The following ATF2 variants were observed in gnomAD, a reference collection of about 807,000 sequenced individuals.
The protein encoded by ATF2 is activating transcription factor 2, also known as cyclic AMP-dependent transcription factor ATF-2.
In ATF2, 24 loss-of-function variants were observed where a neutral mutation model predicts 60.6. That is an observed-to-expected ratio of 0.40 (90% CI 0.29 to 0.56). ATF2 has a LOEUF of 0.56. ATF2 is among the 20% of genes least tolerant of loss of function. The pLI is 0.54. For missense variants in ATF2, 433 were observed against 607.7 expected (o/e 0.71, Z 3.02); for synonymous variants, 206 against 215.4 (o/e 0.96, Z 0.38).
chr2:175,134,059 C>T (rs528209562), intron 3 of ATF2, among the ~76,000 whole-genome samples: 12 of 152,092 alleles, frequency 7.9e-5, no homozygotes, highest in Non-Finnish European at 1.6e-4. Flanking sequence ...AGTCAGCCCT[C>T]TGTATCTATG....
chr2:175,120,523 G>A (rs1468829980), intron 5 of ATF2, among the ~76,000 whole-genome samples: 1 of 151,512 alleles, frequency 6.6e-6, no homozygotes, highest in Non-Finnish European at 1.5e-5. Flanking sequence ...CCAAAACACT[G>A]CATAGAACAA....
chr2:175,135,055 G>A (rs1698046440), intron 3 of ATF2, among the ~76,000 whole-genome samples: 2 of 132,564 alleles, frequency 1.5e-5, no homozygotes, highest in South Asian at 2.6e-4. Flanking sequence ...TAACACTTTC[G>A]AAACCCCACC....
chr2:175,138,597 T>G (rs139270130), intron 2 of ATF2, among the ~76,000 whole-genome samples: 1 of 152,326 alleles, frequency 6.6e-6, no homozygotes, highest in African/African-American at 2.4e-5. Flanking sequence ...TCAGACTGCC[T>G]GCCATCCTCT....
chr2:175,136,157 T>C (rs1361233260), intron 3 of ATF2, among the ~76,000 whole-genome samples: 1 of 152,076 alleles, frequency 6.6e-6, no homozygotes, highest in Non-Finnish European at 1.5e-5. Flanking sequence ...CCCATGGGAC[T>C]GATAGAACTC....
At chr2:175,116,522 G>C (rs1696580867) in intron 7 of ATF2, among the ~76,000 whole-genome samples, 1 of 151,958 alleles carries the variant, frequency 6.6e-6, no homozygotes, top group South Asian at 2.1e-4. Context: ...ATATAAATCT[G>C]GCAATCTGGT....
intron 11 of ATF2, among the ~76,000 whole-genome samples, chr2:175,094,282 TA>T (rs1434801326): frequency 4.6e-5 from 7 of 151,108 alleles, no homozygotes; most frequent in Non-Finnish European, 8.8e-5. Flanking sequence ...TAATCCTAGA[TA>T]ATTGGGAGGC....
At chr2:175,136,584 C>T (rs924843178) in intron 2 of ATF2, 98 bp from the exon 3 acceptor site, 20 of 749,728 alleles carry the variant, frequency 2.7e-5, no homozygotes, top group East Asian at 7.7e-5. Flanking sequence ...TGTAACACTA[C>T]TGTCACCCCA....
intron 2 of ATF2, among the ~76,000 whole-genome samples, chr2:175,148,140 T>C (rs1402690673): frequency 6.6e-6 from 1 of 151,986 alleles, no homozygotes; most frequent in Non-Finnish European, 1.5e-5. Context: ...TGAGAAATCA[T>C]GAAGGAAAAT....
In ATF2 at chr2:175,080,722, T is replaced by C; in HGVS notation, c.1229A>G (p.Gln410Arg). ...GCAATCTTTATGAGCCAGAAGAAGC[T>C]GTTTCAGCTGTGCCACTTCATTTCT... ...LLRNEVAQLK[Q>R]LLLAHKDCPV... Residue 410 changes from glutamine (Q) to arginine (R), a missense_variant, in exon 13 of 14, where the codon CAG becomes CGG. This residue lies in a region of ATF2 where 24 missense variants were observed against 75.4 expected (regional missense o/e 0.32). Coordinates refer to ENST00000264110, the MANE Select transcript of ATF2 (RefSeq NM_001880.4). 6.2e-7 allele frequency: 1 copy of C among 1,613,282 alleles called. No homozygotes were observed. The highest frequency in any genetic ancestry group is 1.7e-4 in the Middle Eastern group (1 of 6,052).
intron 11 of ATF2, among the ~76,000 whole-genome samples, chr2:175,094,403 G>GAAAAAAAAAAAAAAAAAAAAAAAA (rs61440218): frequency 4.9e-5 from 3 of 61,142 alleles, no homozygotes; most frequent in Non-Finnish European, 1.0e-4. Flanking sequence ...CAAAAAATAC[G>GAAAAAAAAAAAAAAAAAAAAAAAA]AAAAAAAAAA....
chr2:175,075,055 C>A, intron 13 of ATF2: 1 of 1,411,416 alleles, frequency 7.1e-7, no homozygotes, highest in Non-Finnish European at 9.3e-7. Context: ...TGGGTGCCCA[C>A]TGCCTTATGG....
chr2:175,154,637 A>T (rs1405085910), intron 1 of ATF2, among the ~76,000 whole-genome samples: 1 of 152,234 alleles, frequency 6.6e-6, no homozygotes, highest in Non-Finnish European at 1.5e-5. Flanking sequence ...ACTTTTATAC[A>T]ACTGGTAGCA....
At chr2:175,132,584 T>C (rs1697813366) in intron 3 of ATF2, 1 of 152,232 alleles carries the variant, frequency 6.6e-6, no homozygotes, top group Non-Finnish European at 1.5e-5. Flanking sequence ...TTGCCAGGTA[T>C]CTAAGTTCAG....
intron 12 of ATF2, among the ~76,000 whole-genome samples, chr2:175,089,113 G>A (rs1024356703): frequency 1.3e-5 from 2 of 151,972 alleles, no homozygotes; most frequent in Non-Finnish European, 2.9e-5. Flanking sequence ...CCGGGAGGTG[G>A]AGGTTGCAGT....
At chr2:175,109,556 A>G (rs76932609) in intron 10 of ATF2, among the ~76,000 whole-genome samples, 2,405 of 152,358 alleles carry the variant, frequency 0.016, 28 homozygotes, top group Non-Finnish European at 0.024. Flanking sequence ...CAGTTTCTAA[A>G]AATATGGCCT....
chr2:175,077,584 T>C (rs1693427404), intron 13 of ATF2, among the ~76,000 whole-genome samples: 1 of 152,186 alleles, frequency 6.6e-6, no homozygotes, highest in Non-Finnish European at 1.5e-5. Context: ...ATAAAGAGGC[T>C]GATCTGTGAT....
At chr2:175,148,012 T>C (rs547780820) in intron 2 of ATF2, 22 of 151,954 alleles carry the variant, frequency 1.4e-4, no homozygotes, top group African/African-American at 5.3e-4. Flanking sequence ...CACACAGAAG[T>C]GAGCATCAGA....
chr2:175,155,139 G>C (rs1468178296), intron 1 of ATF2, among the ~76,000 whole-genome samples: 1 of 152,134 alleles, frequency 6.6e-6, no homozygotes, highest in East Asian at 1.9e-4. Flanking sequence ...AAGAAAATCA[G>C]CTTCTGTATC....
chr2:175,137,056 T>C (rs1459482521), intron 2 of ATF2, among the ~76,000 whole-genome samples: 4 of 152,134 alleles, frequency 2.6e-5, no homozygotes, highest in Non-Finnish European at 1.5e-5. Context: ...CCTCATCCAG[T>C]GGTAAATAAG....
Sources: allele counts gnomAD v4.1 joint callset (sites outside exome capture counted in the v4.1 genomes callset), GRCh38; gene constraint gnomAD v4.1.1; regional missense constraint gnomAD v4.1.1; transcripts MANE v1.5; gene names NCBI Gene and HGNC (gene_info 2026-07-23, HGNC 2026-07-21).